Variants in ABCD2 observed in about 807,000 individuals in gnomAD.
The protein encoded by ABCD2 is ATP binding cassette subfamily D member 2.
In ABCD2, 36 loss-of-function variants were observed where a neutral mutation model predicts 70.9. The observed-to-expected ratio is 0.51, with a 90% CI of 0.39 to 0.67. The LOEUF is 0.67. Ranked by LOEUF, ABCD2 falls within the 30% of genes least tolerant of loss-of-function variation. ABCD2 has a pLI of 0.00. For missense variants in ABCD2, 729 were observed against 890.2 expected (o/e 0.82, Z 2.30); for synonymous variants, 304 against 306.9 (o/e 0.99, Z 0.10).
At chr12:39,608,715 T>C (rs1262786094) in intron 2 of ABCD2, among the ~76,000 whole-genome samples, 1 of 151,786 alleles carries the variant, frequency 6.6e-6, no homozygotes, top group African/African-American at 2.4e-5. Context: ...TAAAATAAAA[T>C]AATAAAATAT....
At chr12:39,603,851 T>A in intron 5 of ABCD2, 61 bp downstream of exon 5, 2 of 1,254,318 alleles carry the variant, frequency 1.6e-6, no homozygotes, top group Non-Finnish European at 2.3e-6. Flanking sequence ...GTACATGAAT[T>A]CTGAGTTGTT....
chr12:39,592,049 C>T (rs1302915239), intron 6 of ABCD2, among the ~76,000 whole-genome samples: 1 of 152,104 alleles, frequency 6.6e-6, no homozygotes, highest in Non-Finnish European at 1.5e-5. Context: ...TTATAGATCT[C>T]TTTAAAAGAG....
chr12:39,544,481 T>C, the ABCD2 span, among the ~76,000 whole-genome samples: 2 of 152,294 alleles, frequency 1.3e-5, no homozygotes, highest in African/African-American at 4.8e-5. Flanking sequence ...TTACTGTCTT[T>C]GTGTAAAGTG....
At chr12:39,537,915 T>C in the ABCD2 span, among the ~76,000 whole-genome samples, 5 of 152,048 alleles carry the variant, frequency 3.3e-5, no homozygotes, top group South Asian at 2.1e-4. Context: ...AAGTAAAAAA[T>C]ATTACAGATG....
intron 9 of ABCD2, among the ~76,000 whole-genome samples, chr12:39,568,308 G>C (rs1222487680): frequency 6.6e-6 from 1 of 152,156 alleles, no homozygotes; most frequent in Non-Finnish European, 1.5e-5. Context: ...CATATTTCTT[G>C]GAGGCTTTGT....
Position 39,586,159 on chromosome 12 carries a change from T to C in ABCD2, c.1785A>G (p.Arg595=). 6.2e-7 allele frequency: 1 copy of C among 1,609,864 alleles called. No homozygotes were observed. Among genetic ancestry groups the C allele is most frequent in the African/African-American group, 1.3e-5 (1 of 74,896 alleles). Residue 595 remains arginine (R), a synonymous_variant, in exon 7 of 10, where the codon AGA becomes AGG. Transcript: ENST00000308666. ...AAGAATGATAGACTTTACCTCCTTCTCTTTGAACTATGTGATAGAGATGGA... is the reference window on the plus strand; with the variant it reads ...AAGAATGATAGACTTTACCTCCTTCCCTTTGAACTATGTGATAGAGATGGA... ...HNVHLYHIVQ[R]EGGWDAVMDW...
At chr12:39,581,296 A>G (rs1050765803) in intron 7 of ABCD2, among the ~76,000 whole-genome samples, 5 of 152,184 alleles carry the variant, frequency 3.3e-5, no homozygotes, top group Non-Finnish European at 4.4e-5. Flanking sequence ...TAAAGGTAAT[A>G]CAATATATGA....
chr12:39,597,365 G>C (rs959734188), intron 6 of ABCD2, among the ~76,000 whole-genome samples: 1 of 152,132 alleles, frequency 6.6e-6, no homozygotes, highest in African/African-American at 2.4e-5. Context: ...AAAAGGGTGG[G>C]TTTAGGGGCT....
At chr12:39,570,379 A>G (rs1348353420) in intron 9 of ABCD2, among the ~76,000 whole-genome samples, 1 of 152,238 alleles carries the variant, frequency 6.6e-6, no homozygotes, top group East Asian at 1.9e-4. Flanking sequence ...TACTGACACA[A>G]AAACAGACAC....
At chr12:39,595,513 A>T (rs1176700923) in intron 6 of ABCD2, among the ~76,000 whole-genome samples, 1 of 152,218 alleles carries the variant, frequency 6.6e-6, no homozygotes, top group Non-Finnish European at 1.5e-5. Flanking sequence ...TGTACAATCT[A>T]ATTAGTGATG....
Position 39,552,305 on chromosome 12 carries a change from C to T in ABCD2, c.*1607G>A, listed in dbSNP as rs1416523473. The T allele has an allele frequency of 2.6e-5, 4 of 151,830 alleles. No individual in the cohort carries two copies. The highest frequency in any genetic ancestry group is 4.8e-5 in the African/African-American group (2 of 41,390). The allele number at this position is 151,830 out of a possible 1,614,324, so 9.4% of individuals were successfully genotyped here. A position where few individuals can be genotyped will look rare whatever the true frequency, so the allele number is the denominator to read the frequency against. ...TGAATGACTTCCAGGTACTCTATCACCTGAAAAGTCTAAGAATCACAGACT... is the reference window on the plus strand; with the variant it reads ...TGAATGACTTCCAGGTACTCTATCATCTGAAAAGTCTAAGAATCACAGACT... On this transcript the variant is annotated 3_prime_UTR_variant, in exon 10 of 10. Coordinates refer to ENST00000308666, the MANE Select transcript of ABCD2 (RefSeq NM_005164.4).
chr12:39,544,454 G>C, the ABCD2 span, among the ~76,000 whole-genome samples: 74 of 152,286 alleles, frequency 4.9e-4, no homozygotes, highest in African/African-American at 1.6e-3. Flanking sequence ...AAGGAGGTCT[G>C]CTTTGGGAAA....
At chr12:39,567,488 T>C (rs1941371199) in intron 9 of ABCD2, among the ~76,000 whole-genome samples, 1 of 152,214 alleles carries the variant, frequency 6.6e-6, no homozygotes, top group African/African-American at 2.4e-5. Context: ...GCTTGGTAGA[T>C]CTTCCTCTAT....
chr12:39,614,143 A>G (rs1942083621), intron 2 of ABCD2, among the ~76,000 whole-genome samples: 1 of 152,200 alleles, frequency 6.6e-6, no homozygotes, highest in Non-Finnish European at 1.5e-5. Context: ...GTGGAAATTG[A>G]AGGACAAAAG....
chr12:39,586,150 A>T lies in ABCD2; in HGVS notation c.1792+2T>A, dbSNP rs774712054. ...GCATTAGAAAAGAATGATAGACTTT[A>T]CCTCCTTCTCTTTGAACTATGTGAT... On this transcript the variant is annotated splice_donor_variant, in intron 7 of 9. Transcript: ENST00000308666. LOFTEE classifies it high-confidence loss of function. 2 of 1,606,278 alleles carry T rather than the reference A, an allele frequency of 1.2e-6. No individual in the cohort carries two copies. The highest frequency in any genetic ancestry group is 2.7e-5 in the African/African-American group (2 of 74,594).
At chr12:39,611,118 G>A (rs1942039273) in intron 2 of ABCD2, among the ~76,000 whole-genome samples, 1 of 152,114 alleles carries the variant, frequency 6.6e-6, no homozygotes, top group Non-Finnish European at 1.5e-5. Context: ...CACATGTCTT[G>A]TTATTTCACA....
chr12:39,564,649 C>T (rs1048552199), intron 9 of ABCD2, among the ~76,000 whole-genome samples: 1 of 152,120 alleles, frequency 6.6e-6, no homozygotes, highest in African/African-American at 2.4e-5. Context: ...TCCCATTTGT[C>T]AATTTTGGCT....
chr12:39,611,470 C>T (rs1463060870), intron 2 of ABCD2, among the ~76,000 whole-genome samples: 1 of 152,090 alleles, frequency 6.6e-6, no homozygotes, highest in Non-Finnish European at 1.5e-5. Flanking sequence ...AGTTTCTCTT[C>T]ATTTATCTTT....
Position 39,619,103 on chromosome 12 carries a change from C to T in ABCD2, c.513G>A (p.Leu171=), listed in dbSNP as rs1942156887. 6.2e-7 allele frequency: 1 copy of T among 1,614,148 alleles called. No individual in the cohort carries two copies. Among genetic ancestry groups the T allele is most frequent in the South Asian group, 1.1e-5 (1 of 91,076 alleles). Residue 171 remains leucine (L), a synonymous_variant, in exon 1 of 10, where the codon TTG becomes TTA. Transcript: ENST00000308666. ...CTAGGCGAGTTCTGAAGGCCAAAGCCAATTTGCATTCCAGGTACCTTATTG... is the reference window on the plus strand; with the variant it reads ...CTAGGCGAGTTCTGAAGGCCAAAGCTAATTTGCATTCCAGGTACCTTATTG... The part of the protein sequence containing the change: ...NSAIRYLECK[L]ALAFRTRLVD...
Sources: allele counts gnomAD v4.1 joint callset (sites outside exome capture counted in the v4.1 genomes callset), GRCh38; gene constraint gnomAD v4.1.1; transcripts MANE v1.5; gene names NCBI Gene and HGNC (gene_info 2026-07-23, HGNC 2026-07-21).